ADAM22: variants seen among roughly 807,000 people sequenced by gnomAD.
ADAM22 encodes the protein disintegrin and metalloproteinase domain-containing protein 22.
In ADAM22, 65 loss-of-function variants were observed where a neutral mutation model predicts 144.6. That is an observed-to-expected ratio of 0.45 (90% confidence interval 0.37 to 0.55). ADAM22 has a LOEUF of 0.55. ADAM22 is among the 20% of genes least tolerant of loss of function. The pLI is 0.00. For missense variants in ADAM22, 974 were observed against 1,184.9 expected, an observed-to-expected ratio of 0.82 and a Z score of 2.61; for synonymous variants, 391 against 412.6, an observed-to-expected ratio of 0.95 and a Z score of 0.63.
intron 4 of ADAM22, among the ~76,000 whole-genome samples, chr7:88,100,055 G>T (rs1822491904): frequency 6.6e-6 from 1 of 152,104 alleles, no homozygotes; most frequent in African/African-American, 2.4e-5. Flanking sequence ...ACCAATGTCA[G>T]TTACTTGGTT....
At chr7:87,970,540 A>C (rs1850191305) in intron 2 of ADAM22, among the ~76,000 whole-genome samples, 1 of 152,138 alleles carries the variant, frequency 6.6e-6, no homozygotes, top group Non-Finnish European at 1.5e-5. Flanking sequence ...TCCTTGTGTC[A>C]GAGTTCTGAT....
intron 3 of ADAM22, among the ~76,000 whole-genome samples, chr7:88,056,765 C>G (rs1459254095): frequency 6.6e-6 from 1 of 152,118 alleles, no homozygotes; most frequent in Non-Finnish European, 1.5e-5. Flanking sequence ...GTCCTAGAAA[C>G]AGTTTTGTAA....
At chr7:87,934,638 C>A in intron 1 of ADAM22, 88 bp downstream of exon 1, 1 of 1,247,878 alleles carries the variant, frequency 8.0e-7, no homozygotes, top group Non-Finnish European at 1.1e-6. Flanking sequence ...GGGGCATCCC[C>A]ATTTCCCGAG....
chr7:88,063,598 C>G (rs1810450204), intron 3 of ADAM22, among the ~76,000 whole-genome samples: 1 of 152,066 alleles, frequency 6.6e-6, no homozygotes, highest in African/African-American at 2.4e-5. Flanking sequence ...ACAGGAATTT[C>G]TAGATTGAAA....
At position 88,196,710 on chromosome 7, in the gene ADAM22, T is replaced by G. The variant is rs1459631612; in HGVS notation, c.*219T>G. 1 of 583,674 alleles carries G rather than the reference T, an allele frequency of 1.7e-6. No homozygotes were observed. Among genetic ancestry groups the G allele is most frequent in the East Asian group, 2.9e-5 (1 of 35,064 alleles). The allele number at this position is 583,674 out of a possible 1,614,324, so 36.2% of individuals were successfully genotyped here. ...AACCATGAAAAGAACTACTGAAATATTACACTATAACATGGAACAATAAAG... is the reference window on the plus strand; with the variant it reads ...AACCATGAAAAGAACTACTGAAATAGTACACTATAACATGGAACAATAAAG... On this transcript the variant is annotated 3_prime_UTR_variant, in exon 32 of 32. Coordinates refer to ENST00000413139, the MANE Select transcript of ADAM22 (RefSeq NM_001324418.2).
chr7:88,113,379 G>C (rs575892766), intron 5 of ADAM22, among the ~76,000 whole-genome samples: 1 of 150,794 alleles, frequency 6.6e-6, no homozygotes, highest in Non-Finnish European at 1.5e-5. Flanking sequence ...ATCTTCTTTC[G>C]CCTGGATTAT....
chr7:88,158,576 T>C (rs1274711072), intron 22 of ADAM22, among the ~76,000 whole-genome samples: 2 of 151,974 alleles, frequency 1.3e-5, no homozygotes, highest in Non-Finnish European at 1.5e-5. Context: ...CACAGCACAA[T>C]ACAAATAGAA....
chr7:88,178,696 C>G (rs573887607), intron 26 of ADAM22, among the ~76,000 whole-genome samples: 1 of 152,072 alleles, frequency 6.6e-6, no homozygotes, highest in South Asian at 2.1e-4. Flanking sequence ...TCATATTTTT[C>G]CCCAAAGCAA....
chr7:88,177,535 A>G (rs1198916389), intron 26 of ADAM22, among the ~76,000 whole-genome samples: 1 of 152,222 alleles, frequency 6.6e-6, no homozygotes, highest in African/African-American at 2.4e-5. Context: ...ATCCTACATT[A>G]CTAATTTCAT....
chr7:88,035,082 A>C (rs112647259), intron 3 of ADAM22, among the ~76,000 whole-genome samples: 1 of 152,072 alleles, frequency 6.6e-6, no homozygotes. Flanking sequence ...GGAAGCTTCT[A>C]TTTGGCCATC....
intron 4 of ADAM22, 115 bp from the exon 5 acceptor site, chr7:88,108,061 A>G: frequency 1.4e-6 from 1 of 699,680 alleles, no homozygotes; most frequent in South Asian, 2.0e-5. Context: ...GAATAATGAA[A>G]TATCATGCAG....
At chr7:87,986,057 T>C (rs1788413956) in intron 3 of ADAM22, among the ~76,000 whole-genome samples, 1 of 152,144 alleles carries the variant, frequency 6.6e-6, no homozygotes, top group South Asian at 2.1e-4. Flanking sequence ...ATGGCTACGA[T>C]CTTATGTTTT....
intron 3 of ADAM22, among the ~76,000 whole-genome samples, chr7:87,989,501 G>A (rs908268790): frequency 2.0e-5 from 3 of 152,192 alleles, no homozygotes; most frequent in Middle Eastern, 3.2e-3. Flanking sequence ...TTGTGCTCAA[G>A]TGATTCTCCC....
At chr7:87,960,528 A>G (rs1279892724) in intron 2 of ADAM22, among the ~76,000 whole-genome samples, 1 of 152,136 alleles carries the variant, frequency 6.6e-6, no homozygotes, top group Non-Finnish European at 1.5e-5. Flanking sequence ...GCCCTTGTGC[A>G]GTTGGGTATT....
At position 88,064,210 on chromosome 7, in the gene ADAM22, T is replaced by C. The variant is rs557056473; in HGVS notation, c.324-11416T>C. Among the ~76,000 whole-genome samples the C allele has an allele frequency of 6.6e-5, 10 of 152,304 alleles. No homozygotes were observed. The East Asian group carries it at 1.2e-3, about 18-fold the overall frequency. Reference sequence around the variant, plus strand: ...TTTATAGTTACGTAGAAAAGTTTAATGCTGATGTAGCTACATATGTAGAAA... The same window carrying C: ...TTTATAGTTACGTAGAAAAGTTTAACGCTGATGTAGCTACATATGTAGAAA... On this transcript the variant is annotated intron_variant, in intron 3 of 31. Coordinates refer to ENST00000413139, the MANE Select transcript of ADAM22 (RefSeq NM_001324418.2).
At chr7:88,187,777 G>A (rs1437145590) in intron 30 of ADAM22, among the ~76,000 whole-genome samples, 1 of 152,136 alleles carries the variant, frequency 6.6e-6, no homozygotes, top group Non-Finnish European at 1.5e-5. Context: ...CTCTCTTCCA[G>A]TGTACCATTT....
intron 4 of ADAM22, among the ~76,000 whole-genome samples, chr7:88,104,484 A>G (rs1823830801): frequency 6.6e-6 from 1 of 151,874 alleles, no homozygotes; most frequent in Non-Finnish European, 1.5e-5. Context: ...TTTTTGCACC[A>G]CATGTGTATT....
At chr7:87,942,424 C>T (rs1842657651) in intron 2 of ADAM22, among the ~76,000 whole-genome samples, 2 of 152,232 alleles carry the variant, frequency 1.3e-5, no homozygotes, top group South Asian at 2.1e-4. Flanking sequence ...ACTTCAGCTC[C>T]ACCGCACTGC....
At chr7:88,045,709 G>T (rs764984547) in intron 3 of ADAM22, among the ~76,000 whole-genome samples, 2 of 152,004 alleles carry the variant, frequency 1.3e-5, no homozygotes, top group Non-Finnish European at 2.9e-5. Flanking sequence ...CCAGAGTCTG[G>T]CACCATCATT....
Sources: gnomAD v4.1 joint callset for allele counts (sites outside exome capture counted in the v4.1 genomes callset) on GRCh38, gnomAD v4.1.1 for gene constraint, MANE v1.5 for transcripts, NCBI Gene and HGNC (gene_info 2026-07-23, HGNC 2026-07-21) for gene names.